CNKSR2: variants seen among roughly 807,000 people sequenced by gnomAD.
CNKSR2 encodes the protein connector enhancer of kinase suppressor of Ras 2.
CNKSR2 carries 14 observed loss-of-function variants against 84.4 expected under a neutral mutation model. The ratio of observed to expected loss-of-function variants is 0.17; its 90% CI spans 0.11 to 0.26. CNKSR2 has a LOEUF of 0.26. Ranked by LOEUF, CNKSR2 falls within the 10% of genes least tolerant of loss-of-function variation. CNKSR2 has a pLI of 1.00. For missense variants in CNKSR2, 485 were observed against 771.2 expected, an observed-to-expected ratio of 0.63 and a Z score of 4.40; for synonymous variants, 275 against 277.9, an observed-to-expected ratio of 0.99 and a Z score of 0.10.
chrX:21,532,180 A>C (rs1371375400), intron 11 of CNKSR2, 113 bp downstream of exon 11: 1 of 459,746 alleles, frequency 2.2e-6, no homozygotes, highest in East Asian at 3.7e-5. Flanking sequence ...TTGAATCTTT[A>C]TAATTGATCT....
At chrX:21,506,438 T>C (rs2091612892) in intron 8 of CNKSR2, 1 of 111,767 alleles carries the variant, frequency 8.9e-6, no homozygotes, top group Admixed American at 9.5e-5. Flanking sequence ...TTTTCTTTTA[T>C]TTCACATTGA....
At chrX:21,585,497 T>C (rs2092381124) in intron 13 of CNKSR2, among the ~76,000 whole-genome samples, 1 of 108,655 alleles carries the variant, frequency 9.2e-6, no homozygotes, top group African/African-American at 3.4e-5. Flanking sequence ...GGATTGGCTA[T>C]GGGGTATAAG....
intron 20 of CNKSR2, chrX:21,641,382 A>G: frequency 1.4e-6 from 1 of 700,740 alleles, no homozygotes; most frequent in Non-Finnish European, 2.1e-6. Flanking sequence ...AAGACATTGT[A>G]TTAAAACCAT....
intron 1 of CNKSR2, among the ~76,000 whole-genome samples, chrX:21,376,647 G>C (rs2089820903): frequency 8.9e-6 from 1 of 112,178 alleles, no homozygotes; most frequent in Non-Finnish European, 1.9e-5. Flanking sequence ...AAGAGCCAGA[G>C]TATATACAGG....
chrX:21,541,051 C>T (rs1279827937), intron 11 of CNKSR2, among the ~76,000 whole-genome samples: 6 of 108,976 alleles, frequency 5.5e-5, no homozygotes, highest in Non-Finnish European at 7.6e-5. Context: ...GGCACGATCT[C>T]GGCTCACTGC....
chrX:21,543,570 C>A (rs1011684875), intron 11 of CNKSR2, among the ~76,000 whole-genome samples: 2 of 111,857 alleles, frequency 1.8e-5, no homozygotes, highest in African/African-American at 6.5e-5. Flanking sequence ...GGAAGGCATT[C>A]TTCCTGAATT....
chrX:21,399,891 T>G (rs761066520), intron 1 of CNKSR2, among the ~76,000 whole-genome samples: 1 of 111,584 alleles, frequency 9.0e-6, no homozygotes, highest in Non-Finnish European at 1.9e-5. Context: ...AGTTATTCAA[T>G]TTTCTCATTT....
intron 8 of CNKSR2, 44 bp from the exon 9 acceptor site, chrX:21,516,441 A>G (rs762446819): frequency 4.3e-6 from 5 of 1,175,111 alleles, no homozygotes; most frequent in Non-Finnish European, 5.7e-6. Context: ...AAATCTTTGA[A>G]TACTGTACCT....
intron 11 of CNKSR2, among the ~76,000 whole-genome samples, chrX:21,547,758 A>G (rs1405578078): frequency 1.8e-5 from 2 of 112,375 alleles, no homozygotes; most frequent in African/African-American, 3.2e-5. Context: ...TCAAATTAGA[A>G]CTCAGGATTA....
chrX:21,374,704 C>T lies in CNKSR2; in HGVS notation c.-194C>T, dbSNP rs1414120032. On this transcript the variant is annotated 5_prime_UTR_variant, in exon 1 of 22. Transcript: ENST00000379510. Reference sequence around the variant, plus strand: ...GCCACGACTCCTGCACGTTTACCTCCCTGTCGCCGTTCCTGCCGGCGGTTG... The same window carrying T: ...GCCACGACTCCTGCACGTTTACCTCTCTGTCGCCGTTCCTGCCGGCGGTTG... 1 of 506,437 alleles carries T rather than the reference C, an allele frequency of 2.0e-6. No individual in the cohort carries two copies. The highest frequency in any genetic ancestry group is 3.6e-6 in the Non-Finnish European group (1 of 281,501). The allele number at this position is 506,437 out of a possible 1,213,427, so 41.7% of individuals were successfully genotyped here.
intron 4 of CNKSR2, among the ~76,000 whole-genome samples, chrX:21,452,264 G>T (rs1963932): frequency 0.16 from 17,160 of 109,906 alleles, 3,220 homozygotes; most frequent in African/African-American, 0.53. Context: ...CTAATTTTTT[G>T]TGTGTTTTTA....
chrX:21,572,772 G>C (rs1171427997), intron 13 of CNKSR2, among the ~76,000 whole-genome samples: 1 of 111,253 alleles, frequency 9.0e-6, no homozygotes, highest in Non-Finnish European at 1.9e-5. Context: ...GGGATTGTGG[G>C]AACTATAATT....
At chrX:21,649,971 C>T (rs943424602) in intron 21 of CNKSR2, among the ~76,000 whole-genome samples, 8 of 111,725 alleles carry the variant, frequency 7.2e-5, no homozygotes, top group Non-Finnish European at 1.1e-4. Flanking sequence ...TTTTACACTG[C>T]TGGTGGGAGT....
chrX:21,378,303 T>G (rs906846838), intron 1 of CNKSR2, among the ~76,000 whole-genome samples: 1 of 111,957 alleles, frequency 8.9e-6, no homozygotes, highest in Non-Finnish European at 1.9e-5. Flanking sequence ...CTTCTTCAAT[T>G]GGAAATTGCA....
chrX:21,569,314 T>A (rs754180017), intron 13 of CNKSR2, among the ~76,000 whole-genome samples: 3 of 111,373 alleles, frequency 2.7e-5, no homozygotes, highest in South Asian at 7.6e-4. Context: ...GGGGTGGTTA[T>A]GACAATATCT....
At chrX:21,560,205 G>C (rs1034015401) in intron 11 of CNKSR2, among the ~76,000 whole-genome samples, 1 of 111,034 alleles carries the variant, frequency 9.0e-6, no homozygotes, top group Non-Finnish European at 1.9e-5. Context: ...TATTTAAAGG[G>C]ATTGCAGTCT....
chrX:21,378,266 A>G (rs948469214), intron 1 of CNKSR2, among the ~76,000 whole-genome samples: 3 of 111,708 alleles, frequency 2.7e-5, no homozygotes, highest in African/African-American at 9.7e-5. Flanking sequence ...AAAATCAAAT[A>G]CTCATAATTT....
At chrX:21,537,599 C>G (rs1802272799) in intron 11 of CNKSR2, among the ~76,000 whole-genome samples, 1 of 111,132 alleles carries the variant, frequency 9.0e-6, no homozygotes, top group Admixed American at 9.6e-5. Flanking sequence ...GAATTGATTC[C>G]TTTGTCATTA....
At chrX:21,497,391 A>G (rs756802188) in intron 6 of CNKSR2, among the ~76,000 whole-genome samples, 4 of 111,973 alleles carry the variant, frequency 3.6e-5, no homozygotes, top group Non-Finnish European at 5.7e-5. Context: ...TAATATATCA[A>G]GTATAATAAG....
Sources: gnomAD v4.1 joint callset for allele counts (sites outside exome capture counted in the v4.1 genomes callset) on GRCh38, gnomAD v4.1.1 for gene constraint, MANE v1.5 for transcripts, NCBI Gene and HGNC (gene_info 2026-07-23, HGNC 2026-07-21) for gene names.